Variants in CCND3 observed in about 807,000 individuals in gnomAD.
The protein encoded by CCND3 is cyclin D3, also known as G1/S-specific cyclin-D3.
In CCND3, 9 loss-of-function variants were observed where a neutral mutation model predicts 28.7. The ratio of observed to expected loss-of-function variants is 0.31; its 90% CI spans 0.19 to 0.55. CCND3 has a LOEUF of 0.55. CCND3 is among the 20% of genes least tolerant of loss of function. The pLI is 0.93. For missense variants in CCND3, 315 were observed against 385.8 expected (o/e 0.82, Z 1.54); for synonymous variants, 164 against 163.9 (o/e 1.00, Z 0.00).
rs576246673 is a variant in CCND3, at chr6:41,986,450, C to T, written c.-45-45865G>A. 1.3e-4 allele frequency among the ~76,000 whole-genome samples: 19 copies of T among 151,962 alleles called. No homozygotes were observed. The South Asian group carries it at 3.5e-3, about 28-fold the overall frequency. ...TATTTGTGTCTTCTTTAATTTATTT[C>T]ATCAATATTTTATAGTTTTCTATGT... is the stretch of plus-strand genomic sequence containing the variant. On this transcript the variant is annotated intron_variant, in intron 1 of 4. Transcript: ENST00000372988.
In CCND3 at chr6:42,038,350, G is replaced by A. The variant is rs182190465; in HGVS notation, c.-46+10151C>T. 1.1e-3 allele frequency among the ~76,000 whole-genome samples: 164 copies of A among 151,976 alleles called. 2 individuals carry two copies. Among genetic ancestry groups the A allele is most frequent in the Non-Finnish European group, 2.0e-3 (137 of 67,976 alleles). On this transcript the variant is annotated intron_variant, in intron 1 of 4. Transcript: ENST00000372988. ...GCCCAGGAGTTCAAGACCAGCCTGC[G>A]CAACATGGCAAAACCCTGTCTCCAC...
At chr6:42,027,161 C>CGGG (rs1365270682) in intron 1 of CCND3, among the ~76,000 whole-genome samples, 1 of 152,148 alleles carries the variant, frequency 6.6e-6, no homozygotes, top group Non-Finnish European at 1.5e-5. Flanking sequence ...ACCACTAGGC[C>CGGG]GGGCGCGGTG....
At chr6:41,940,839 A>G in intron 1 of CCND3, 2 of 1,113,190 alleles carry the variant, frequency 1.8e-6, no homozygotes, top group Non-Finnish European at 2.8e-6. Flanking sequence ...CTCACGGAGG[A>G]TTCCAAACGG....
chr6:42,028,583 C>T (rs903620122), intron 1 of CCND3, among the ~76,000 whole-genome samples: 25 of 152,226 alleles, frequency 1.6e-4, no homozygotes, highest in South Asian at 2.1e-4. Flanking sequence ...AGCTGCCCTC[C>T]GCCAGCAGCC....
At chr6:42,005,980 C>G (rs541994386) in intron 1 of CCND3, among the ~76,000 whole-genome samples, 2 of 151,956 alleles carry the variant, frequency 1.3e-5, no homozygotes, top group African/African-American at 4.8e-5. Context: ...CCGCGCCCAG[C>G]CTGAGACCCC....
rs750873630 is a variant in CCND3 at position 41,936,597 on chromosome 6, G to A, written c.673C>T (p.Leu225Phe). Residue 225 changes from leucine (L) to phenylalanine (F), a missense_variant, in exon 4 of 5, where the codon CTC becomes TTC. Physicochemically the swap from Leu to Phe is conservative, Grantham distance 22 (BLOSUM62 0). Transcript: ENST00000372991. The surrounding 1 kb of genome is among the most constrained non-coding windows in gnomAD (Gnocchi z 4.4). ...LGACSMSGDE[L>F]TELLAGITGT... ...GTGATCCCTGCCAGCAGCTCTGTGA[G>A]CTCATCCCCGGACATGGAGCAGGCA... The A allele has an allele frequency of 6.2e-7, 1 of 1,614,188 alleles. No homozygotes were observed. Among genetic ancestry groups the A allele is most frequent in the South Asian group, 1.1e-5 (1 of 91,090 alleles).
chr6:42,019,004 G>A lies in CCND3; in HGVS notation c.-46+29497C>T, dbSNP rs1242930461. On this transcript the variant is annotated intron_variant, in intron 1 of 4. Transcript: ENST00000372988. ...TTCAACTCATTTTGATTAATCAATGGAACATTTCAGTCATGTTCTAAAATA... is the reference window on the plus strand; with the variant it reads ...TTCAACTCATTTTGATTAATCAATGAAACATTTCAGTCATGTTCTAAAATA... 3.3e-5 allele frequency among the ~76,000 whole-genome samples: 5 copies of A among 151,666 alleles called. No homozygotes were observed. The South Asian group carries it at 1.0e-3, about 32-fold the overall frequency.
intron 1 of CCND3, among the ~76,000 whole-genome samples, chr6:42,012,473 T>C (rs4236077): frequency 0.98 from 149,178 of 151,932 alleles, 73,295 homozygotes; most frequent in East Asian, 1. Context: ...TGTGATGGTA[T>C]GTGCTGTAAT....
rs573110528 is a variant in CCND3 at position 41,939,234 on chromosome 6, G to A, written c.414+1136C>T. On this transcript the variant is annotated intron_variant, in intron 2 of 4. Coordinates refer to ENST00000372991, the MANE Select transcript of CCND3 (RefSeq NM_001760.5). This position sits in a 1 kb window ranked among gnomAD's most constrained non-coding sequence, Gnocchi z 4.2. ...TCCTGTTCCTCGACTCACAGCAGTCGGGGGCCCCAGTACCCTGGCTTCCCT... is the reference window on the plus strand; with the variant it reads ...TCCTGTTCCTCGACTCACAGCAGTCAGGGGCCCCAGTACCCTGGCTTCCCT... Among the ~76,000 whole-genome samples the A allele has an allele frequency of 6.6e-6, 1 of 152,042 alleles. No homozygotes were observed. The highest frequency in any genetic ancestry group is 2.4e-5 in the African/African-American group (1 of 41,394).
chr6:41,940,759 C>CCCCA, intron 1 of CCND3, 174 bp from the exon 2 acceptor site: 1 of 762,890 alleles, frequency 1.3e-6, no homozygotes, highest in Non-Finnish European at 2.3e-6. Context: ...AGGTGACGCC[C>CCCCA]CCCACTTCCT....
chr6:41,998,839 C>T (rs1762896943), intron 1 of CCND3, among the ~76,000 whole-genome samples: 1 of 151,670 alleles, frequency 6.6e-6, no homozygotes, highest in African/African-American at 2.4e-5. Context: ...GCCACCACAC[C>T]TGGTTAATTT....
intron 1 of CCND3, among the ~76,000 whole-genome samples, chr6:41,959,140 C>A (rs1036296366): frequency 6.6e-6 from 1 of 152,018 alleles, no homozygotes; most frequent in East Asian, 1.9e-4. Flanking sequence ...CATGGAGAAA[C>A]CCCATCTCTA....
intron 1 of CCND3, among the ~76,000 whole-genome samples, chr6:42,017,185 G>A (rs898085509): frequency 1.3e-5 from 2 of 152,198 alleles, no homozygotes; most frequent in Non-Finnish European, 1.5e-5. Flanking sequence ...TGCCCTGCCA[G>A]TACTCCCGCC....
intron 1 of CCND3, among the ~76,000 whole-genome samples, chr6:41,963,628 G>A (rs964395750): frequency 3.9e-5 from 6 of 152,204 alleles, no homozygotes; most frequent in Admixed American, 2.0e-4. Context: ...AGGGGGAGGT[G>A]GTGAACGTGG....
rs116713943 is a variant in CCND3 at position 41,941,627 on chromosome 6, C to T, written c.23G>A (p.Gly8Asp). Residue 8 changes from glycine to aspartate, a missense_variant, in exon 1 of 5, where the codon GGC becomes GAC. By Grantham distance (94) the Gly-to-Asp change is moderately conservative. Coordinates refer to ENST00000372991, the MANE Select transcript of CCND3 (RefSeq NM_001760.5). This position sits in a 1 kb window ranked among gnomAD's most constrained non-coding sequence, Gnocchi z 6.1. ...CCCGGCCCGGGGCGCGTGCCGGGTG[C>T]CTTCGCAACACAGCAGCTCCATACT... MELLCCEGTRHAPRAGPD... is the reference protein window; with the variant it reads MELLCCEDTRHAPRAGPD... 242 of 1,512,952 alleles carry T rather than the reference C, an allele frequency of 1.6e-4. 1 individual carries two copies. In the African/African-American group the frequency reaches 2.8e-3, roughly 17 times the overall value. The allele number at this position is 1,512,952 out of a possible 1,614,324, so 93.7% of individuals were successfully genotyped here.
chr6:41,943,313 AAT>A (rs1776090988), upstream of CCND3, among the ~76,000 whole-genome samples: 2 of 152,210 alleles, frequency 1.3e-5, no homozygotes, highest in Admixed American at 6.6e-5. Flanking sequence ...TTAATATATC[AAT>A]GTTTATTTTT....
At chr6:41,986,766 C>A (rs1457635958) in intron 1 of CCND3, among the ~76,000 whole-genome samples, 2 of 151,850 alleles carry the variant, frequency 1.3e-5, no homozygotes, top group African/African-American at 4.8e-5. Flanking sequence ...TTTGTCTTAC[C>A]CAATTGCTCT....
At chr6:42,004,068 ATG>A (rs35124169) in intron 1 of CCND3, among the ~76,000 whole-genome samples, 28 of 143,716 alleles carry the variant, frequency 1.9e-4, no homozygotes, top group South Asian at 4.4e-4. Flanking sequence ...ATATATATGT[ATG>A]TGTGTGTGTG....
intron 1 of CCND3, among the ~76,000 whole-genome samples, chr6:42,032,026 G>T (rs1322265864): frequency 6.6e-6 from 1 of 151,996 alleles, no homozygotes; most frequent in Non-Finnish European, 1.5e-5. Context: ...CCTGACCTCA[G>T]GTGATCCACC....
Sources: allele counts gnomAD v4.1 joint callset (sites outside exome capture counted in the v4.1 genomes callset), GRCh38; gene constraint gnomAD v4.1.1; non-coding constraint Gnocchi (gnomAD v3.1); transcripts MANE v1.5; gene names NCBI Gene and HGNC (gene_info 2026-07-23, HGNC 2026-07-21).